NDUFS4: variants seen among roughly 807,000 people sequenced by gnomAD.
NDUFS4 encodes NADH dehydrogenase [ubiquinone] iron-sulfur protein 4, mitochondrial.
NDUFS4 carries 28 observed loss-of-function variants against 24.3 expected under a neutral mutation model. The ratio of observed to expected loss-of-function variants is 1.15; its 90% CI spans 0.85 to 1.58. The LOEUF is 1.58. NDUFS4 is among the 40% of genes most tolerant of loss of function. NDUFS4 has a pLI of 0.00. For missense variants in NDUFS4, 223 were observed against 207.9 expected, an observed-to-expected ratio of 1.07 and a Z score of -0.45; for synonymous variants, 93 against 69.7, an observed-to-expected ratio of 1.34 and a Z score of -1.67.
chr5:53,592,497 C>T (rs1213949105), intron 1 of NDUFS4, among the ~76,000 whole-genome samples: 1 of 152,122 alleles, frequency 6.6e-6, no homozygotes, highest in African/African-American at 2.4e-5. Flanking sequence ...TTTTCTCTTA[C>T]ATTATCTTTG....
intron 1 of NDUFS4, among the ~76,000 whole-genome samples, chr5:53,568,378 C>T (rs865934947): frequency 4.6e-5 from 7 of 151,506 alleles, no homozygotes; most frequent in Non-Finnish European, 7.4e-5. Context: ...GGGCTGAAAA[C>T]GGATTAAAAA....
chr5:53,651,457 G>A (rs895738852), intron 3 of NDUFS4, among the ~76,000 whole-genome samples: 2 of 151,800 alleles, frequency 1.3e-5, no homozygotes, highest in Non-Finnish European at 2.9e-5. Context: ...GTTGACCATA[G>A]TTTGGGTTCT....
At chr5:53,562,707 A>C (rs570103598) in intron 1 of NDUFS4, among the ~76,000 whole-genome samples, 1 of 152,260 alleles carries the variant, frequency 6.6e-6, no homozygotes, top group South Asian at 2.1e-4. Context: ...CCTCTCCCTT[A>C]CATATTGTTT....
Position 53,624,421 on chromosome 5 carries a change from C to T in NDUFS4, c.177+20891C>T, listed in dbSNP as rs570437746. ...TTGCATTGAATCTGTAGATTGATTG[C>T]TTTGGGTAGTATTGTCATCTTAACA... On this transcript the variant is annotated intron_variant, in intron 2 of 4. Coordinates refer to ENST00000296684, the MANE Select transcript of NDUFS4 (RefSeq NM_002495.4). Among the ~76,000 whole-genome samples, 101 of 152,250 alleles carry T rather than the reference C, an allele frequency of 6.6e-4. 1 individual carries two copies. The highest frequency in any genetic ancestry group is 2.4e-3 in the African/African-American group (99 of 41,552).
intron 4 of NDUFS4, among the ~76,000 whole-genome samples, chr5:53,678,804 G>A (rs4147742): frequency 0.16 from 24,331 of 152,000 alleles, 1,953 homozygotes; most frequent in Middle Eastern, 0.18. Context: ...AGTATAATTC[G>A]TCTAACTTAC....
At chr5:53,680,840 T>A (rs1740641371) in intron 4 of NDUFS4, among the ~76,000 whole-genome samples, 1 of 151,988 alleles carries the variant, frequency 6.6e-6, no homozygotes, top group Non-Finnish European at 1.5e-5. Flanking sequence ...AAACTTAGTA[T>A]AATAATAATA....
At chr5:53,656,211 G>T (rs1752157413) in intron 3 of NDUFS4, among the ~76,000 whole-genome samples, 1 of 64,012 alleles carries the variant, frequency 1.6e-5, no homozygotes, top group Non-Finnish European at 3.1e-5. Context: ...TTCTCTAGAA[G>T]TTTATTTTTT....
intron 1 of NDUFS4, among the ~76,000 whole-genome samples, chr5:53,588,266 CT>C (rs1184796540): frequency 6.6e-6 from 1 of 152,194 alleles, no homozygotes; most frequent in Non-Finnish European, 1.5e-5. Context: ...TAACGATCAT[CT>C]GAGCCTTCAG....
chr5:53,632,384 C>G (rs1402966314), intron 2 of NDUFS4, among the ~76,000 whole-genome samples: 1 of 152,152 alleles, frequency 6.6e-6, no homozygotes, highest in Non-Finnish European at 1.5e-5. Context: ...TCTTGTGTCT[C>G]AATTTAATGC....
chr5:53,634,462 A>G (rs1206181315), intron 2 of NDUFS4, among the ~76,000 whole-genome samples: 1 of 152,130 alleles, frequency 6.6e-6, no homozygotes, highest in Non-Finnish European at 1.5e-5. Context: ...TTTTGTTTTC[A>G]TAACTCTTAA....
intron 3 of NDUFS4, among the ~76,000 whole-genome samples, chr5:53,657,775 A>G (rs1482990889): frequency 6.6e-6 from 1 of 151,906 alleles, no homozygotes; most frequent in Non-Finnish European, 1.5e-5. Context: ...AAATACACAA[A>G]TTAGCCAGGT....
chr5:53,564,585 G>A (rs1050750848), intron 1 of NDUFS4, among the ~76,000 whole-genome samples: 5 of 152,100 alleles, frequency 3.3e-5, no homozygotes, highest in Middle Eastern at 3.2e-3. Context: ...TGTTGCTCAG[G>A]CTGGAGTGCA....
At position 53,658,400 on chromosome 5, in the gene NDUFS4, A is replaced by G. The variant is rs1752224400; in HGVS notation, c.351-151A>G. On this transcript the variant is annotated intron_variant, in intron 3 of 4. Transcript: ENST00000296684. ...AATTTAACACAGAAAAAGGTATTCCAACTAACAGTTTTAAAGAAATTATTA... is the reference window on the plus strand; with the variant it reads ...AATTTAACACAGAAAAAGGTATTCCGACTAACAGTTTTAAAGAAATTATTA... 9 of 598,246 alleles carry G rather than the reference A, an allele frequency of 1.5e-5. No individual in the cohort carries two copies. In the East Asian group the frequency reaches 2.6e-4, roughly 17 times the overall value. The allele number at this position is 598,246 out of a possible 1,614,324, so 37.1% of individuals were successfully genotyped here.
At position 53,577,665 on chromosome 5, in the gene NDUFS4, C is replaced by T. The variant is rs1000577608; in HGVS notation, c.98+16905C>T. 4.6e-5 allele frequency among the ~76,000 whole-genome samples: 7 copies of T among 152,000 alleles called. No homozygotes were observed. The East Asian group carries it at 9.7e-4, about 21-fold the overall frequency. On this transcript the variant is annotated intron_variant, in intron 1 of 4. Coordinates refer to ENST00000296684, the MANE Select transcript of NDUFS4 (RefSeq NM_002495.4). ...TCCCAGGGTTGTAAAAGAATTCACC[C>T]GTATTGGAATTTGTTTTACTCACCT...
In NDUFS4 at chr5:53,560,768, A is replaced by T; in HGVS notation, c.98+8A>T. On this transcript the variant is annotated splice_region_variant and intron_variant, in intron 1 of 4. Coordinates refer to ENST00000296684, the MANE Select transcript of NDUFS4 (RefSeq NM_002495.4). The stretch of plus-strand genomic sequence containing the variant: ...TTCCAGGGTTCCGACCAGGTAATAG[A>T]ATTTTCACACTTTTCTTCAAGCTTC... The T allele has an allele frequency of 1.2e-6, 2 of 1,614,064 alleles. No individual in the cohort carries two copies. The highest frequency in any genetic ancestry group is 1.7e-5 in the Admixed American group (1 of 60,002).
intron 1 of NDUFS4, among the ~76,000 whole-genome samples, chr5:53,595,962 C>T (rs1265682342): frequency 4.6e-5 from 7 of 152,100 alleles, no homozygotes; most frequent in Admixed American, 4.6e-4. Context: ...ATATTCAGTA[C>T]TGTAGATGAA....
At chr5:53,642,613 A>G (rs1340815346) in intron 2 of NDUFS4, among the ~76,000 whole-genome samples, 1 of 152,146 alleles carries the variant, frequency 6.6e-6, no homozygotes, top group African/African-American at 2.4e-5. Context: ...TGTTAAAGAA[A>G]AAAAAAGTTG....
intron 1 of NDUFS4, among the ~76,000 whole-genome samples, chr5:53,596,485 A>AT (rs1399697505): frequency 2.0e-5 from 3 of 152,136 alleles, no homozygotes; most frequent in African/African-American, 7.2e-5. Flanking sequence ...TTTATCTTTA[A>AT]TTTTCCCATT....
intron 1 of NDUFS4, among the ~76,000 whole-genome samples, chr5:53,562,261 T>TA (rs982952353): frequency 1.3e-5 from 2 of 152,102 alleles, no homozygotes; most frequent in Non-Finnish European, 2.9e-5. Context: ...CTGGTTAACT[T>TA]AGAGTTAATA....
Sources: gnomAD v4.1 joint callset for allele counts (sites outside exome capture counted in the v4.1 genomes callset) on GRCh38, gnomAD v4.1.1 for gene constraint, MANE v1.5 for transcripts, NCBI Gene and HGNC (gene_info 2026-07-23, HGNC 2026-07-21) for gene names.